SLC35F1: variants seen among roughly 807,000 people sequenced by gnomAD.
SLC35F1 encodes solute carrier family 35 member F1, also known as chromosome 6 open reading frame 169.
A neutral mutation model predicts 48.7 loss-of-function variants in SLC35F1; 14 were observed. The ratio of observed to expected loss-of-function variants is 0.29; its 90% confidence interval spans 0.19 to 0.45. The LOEUF (loss-of-function observed/expected upper bound fraction) is 0.45, where lower values mean the gene tolerates loss of function less well. Ranked by LOEUF, SLC35F1 falls within the 20% of genes least tolerant of loss-of-function variation. The probability of loss-of-function intolerance (pLI) is 1.00; values close to 1 mark genes in which losing one functional copy is unlikely to be tolerated. For missense variants in SLC35F1, 404 were observed against 500.0 expected, an observed-to-expected ratio of 0.81 and a Z score of 1.83; for synonymous variants, 190 against 202.2, an observed-to-expected ratio of 0.94 and a Z score of 0.51.
At chr6:117,962,507 C>T (rs770776978) in intron 1 of SLC35F1, among the ~76,000 whole-genome samples, 4 of 152,122 alleles carry the variant, frequency 2.6e-5, no homozygotes, top group African/African-American at 7.2e-5. Flanking sequence ...ATTTTGATTC[C>T]GTCTTCTTTG....
chr6:118,055,027 G>A (rs964316367), intron 1 of SLC35F1, among the ~76,000 whole-genome samples: 2 of 152,070 alleles, frequency 1.3e-5, no homozygotes, highest in African/African-American at 4.8e-5. Context: ...CGCCTGCCTC[G>A]GCCTCCCATA....
intron 1 of SLC35F1, among the ~76,000 whole-genome samples, chr6:117,977,983 TTAGTTTTTAC>T (rs1776726430): frequency 6.6e-6 from 1 of 152,164 alleles, no homozygotes; most frequent in African/African-American, 2.4e-5. Context: ...GGGAGTAGAT[TTAGTTTTTAC>T]TTGAATTTTA....
intron 3 of SLC35F1, among the ~76,000 whole-genome samples, chr6:118,245,602 A>G (rs1399939235): frequency 2.6e-5 from 4 of 152,138 alleles, no homozygotes; most frequent in Non-Finnish European, 5.9e-5. Context: ...GTGAACCTCC[A>G]GATGTGAATG....
intron 1 of SLC35F1, among the ~76,000 whole-genome samples, chr6:118,039,246 A>G (rs1460163242): frequency 6.6e-6 from 1 of 152,098 alleles, no homozygotes; most frequent in Non-Finnish European, 1.5e-5. Flanking sequence ...TTTTATATGT[A>G]ACATATCATT....
intron 1 of SLC35F1, among the ~76,000 whole-genome samples, chr6:118,096,922 G>A (rs1261739692): frequency 6.6e-6 from 1 of 152,076 alleles, no homozygotes; most frequent in Admixed American, 6.6e-5. Context: ...ATTGATCATG[G>A]AATCCTATCA....
At position 118,285,180 on chromosome 6, in the gene SLC35F1, C is replaced by G; in HGVS notation, c.848-4C>G. 2 of 1,613,376 alleles carry G rather than the reference C, an allele frequency of 1.2e-6. No individual in the cohort carries two copies. The highest frequency in any genetic ancestry group is 1.7e-6 in the Non-Finnish European group (2 of 1,179,578). On this transcript the variant is annotated splice_region_variant and splice_polypyrimidine_tract_variant and intron_variant, in intron 6 of 7. Transcript: ENST00000360388. ...ACGCTGCCTTCTCTTTACTCTTCCC[C>G]CAGGACTGCTCTACGTTGGCTTTAG... is the stretch of plus-strand genomic sequence containing the variant.
chr6:117,961,149 A>G (rs577011255), intron 1 of SLC35F1, among the ~76,000 whole-genome samples: 119 of 152,220 alleles, frequency 7.8e-4, no homozygotes, highest in African/African-American at 2.8e-3. Context: ...TATCCTCAGT[A>G]CTTGGGCAGT....
intron 2 of SLC35F1, among the ~76,000 whole-genome samples, chr6:118,226,910 A>T (rs920943167): frequency 6.6e-6 from 1 of 152,252 alleles, no homozygotes; most frequent in African/African-American, 2.4e-5. Context: ...AGTTACCCTA[A>T]TTTGATTACA....
chr6:118,215,396 C>T (rs918799606), intron 2 of SLC35F1, among the ~76,000 whole-genome samples: 2 of 151,930 alleles, frequency 1.3e-5, no homozygotes, highest in Non-Finnish European at 1.5e-5. Flanking sequence ...TCAAGAAGTG[C>T]TTTTAACTAA....
Position 117,907,950 on chromosome 6 carries a change from C to G in SLC35F1, c.173+51C>G, listed in dbSNP as rs773106533. On this transcript the variant is annotated intron_variant, in intron 1 of 7. Transcript: ENST00000360388. ...GCGGGGGGCGGGGGCTGCGGGCGCC[C>G]GGCTCCGGGTCCCCTCCGTCCCTGG... 11 of 1,291,814 alleles carry G rather than the reference C, an allele frequency of 8.5e-6. No individual in the cohort carries two copies. The Admixed American group carries it at 1.7e-4, about 20-fold the overall frequency. The allele number at this position is 1,291,814 out of a possible 1,614,324, so 80.0% of individuals were successfully genotyped here. A position where few individuals can be genotyped will look rare whatever the true frequency, so the allele number is the denominator to read the frequency against.
intron 1 of SLC35F1, among the ~76,000 whole-genome samples, chr6:118,139,036 C>T (rs1773842321): frequency 6.6e-6 from 1 of 152,130 alleles, no homozygotes; most frequent in Non-Finnish European, 1.5e-5. Context: ...TATTCAGATT[C>T]TGTTCAAATC....
chr6:118,128,039 A>C (rs1310878471), intron 1 of SLC35F1, among the ~76,000 whole-genome samples: 2 of 150,560 alleles, frequency 1.3e-5, no homozygotes, highest in Non-Finnish European at 3.0e-5. Flanking sequence ...ACATTTATGC[A>C]GCCAAAAGAC....
At chr6:118,162,902 A>G (rs905650266) in intron 2 of SLC35F1, among the ~76,000 whole-genome samples, 5 of 151,982 alleles carry the variant, frequency 3.3e-5, no homozygotes, top group African/African-American at 1.2e-4. Context: ...TCTTAACGAA[A>G]CTTATAGTAT....
At chr6:117,943,640 T>C (rs1376500725) in intron 1 of SLC35F1, among the ~76,000 whole-genome samples, 1 of 152,194 alleles carries the variant, frequency 6.6e-6, no homozygotes, top group Middle Eastern at 3.2e-3. Flanking sequence ...TTGGCTCTAT[T>C]TGAAATATTT....
At chr6:118,116,501 A>G (rs1473402056) in intron 1 of SLC35F1, among the ~76,000 whole-genome samples, 1 of 152,216 alleles carries the variant, frequency 6.6e-6, no homozygotes, top group Non-Finnish European at 1.5e-5. Flanking sequence ...TTCTGTGGAC[A>G]TTAAATGTGA....
intron 1 of SLC35F1, among the ~76,000 whole-genome samples, chr6:118,064,040 T>C (rs1299002590): frequency 2.0e-5 from 3 of 152,152 alleles, no homozygotes; most frequent in Non-Finnish European, 4.4e-5. Flanking sequence ...TTTAATGGAC[T>C]TAACAGTTTC....
At chr6:117,967,552 T>G (rs1268048949) in intron 1 of SLC35F1, among the ~76,000 whole-genome samples, 2 of 152,190 alleles carry the variant, frequency 1.3e-5, no homozygotes, top group Non-Finnish European at 2.9e-5. Context: ...TTTGTTCAAC[T>G]TGACAAATTG....
chr6:118,155,102 A>G (rs1448794467), intron 2 of SLC35F1, among the ~76,000 whole-genome samples: 1 of 152,240 alleles, frequency 6.6e-6, no homozygotes, highest in Non-Finnish European at 1.5e-5. Flanking sequence ...AACTACCACA[A>G]ATGGTCAGAT....
rs539159531 is a variant in SLC35F1 at position 117,999,105 on chromosome 6, G to T, written c.173+91206G>T. ...GACCCCAAGTTCCTGAGGAACATGC[G>T]CTTTGCCAAGAAGCACAACAAAAAG... On this transcript the variant is annotated intron_variant, in intron 1 of 7. Transcript: ENST00000360388. 94 of 1,567,702 alleles carry T rather than the reference G, an allele frequency of 6.0e-5. 1 individual carries two copies. The South Asian group carries it at 1.0e-3, about 17-fold the overall frequency.
Sources: gnomAD v4.1 joint callset for allele counts (sites outside exome capture counted in the v4.1 genomes callset) on GRCh38, gnomAD v4.1.1 for gene constraint, MANE v1.5 for transcripts, NCBI Gene and HGNC (gene_info 2026-07-23, HGNC 2026-07-21) for gene names.